ENOX1: variants seen among roughly 807,000 people sequenced by gnomAD.
ENOX1 encodes ecto-NOX disulfide-thiol exchanger 1.
ENOX1 carries 42 observed loss-of-function variants against 82.5 expected under a neutral mutation model. The ratio of observed to expected loss-of-function variants is 0.51; its 90% CI spans 0.40 to 0.66. The LOEUF is 0.66. Ranked by LOEUF, ENOX1 falls within the 30% of genes least tolerant of loss-of-function variation. The pLI, the probability that ENOX1 is intolerant of heterozygous loss-of-function variation, is 0.00. For missense variants in ENOX1, 608 were observed against 811.6 expected, an observed-to-expected ratio of 0.75 and a Z score of 3.05; for synonymous variants, 271 against 282.2, an observed-to-expected ratio of 0.96 and a Z score of 0.40.
At chr13:43,465,430 C>T (rs1003922628) in intron 3 of ENOX1, among the ~76,000 whole-genome samples, 6 of 152,088 alleles carry the variant, frequency 3.9e-5, no homozygotes, top group Admixed American at 3.9e-4. Context: ...ATGCCTACAT[C>T]TTTTTGTTTT....
chr13:43,691,049 A>G (rs2086337848), intron 1 of ENOX1, among the ~76,000 whole-genome samples: 1 of 152,190 alleles, frequency 6.6e-6, no homozygotes, highest in South Asian at 2.1e-4. Flanking sequence ...AACTCCATCA[A>G]CTTTGTTTAG....
At chr13:43,302,443 G>C (rs7332488) in intron 11 of ENOX1, among the ~76,000 whole-genome samples, 147,157 of 152,292 alleles carry the variant, frequency 0.97, 71,333 homozygotes, top group East Asian at 1. Flanking sequence ...CCCATTTCTA[G>C]TTACTCAGTA....
intron 5 of ENOX1, among the ~76,000 whole-genome samples, chr13:43,365,782 T>C (rs930795983): frequency 6.6e-6 from 1 of 152,214 alleles, no homozygotes; most frequent in Non-Finnish European, 1.5e-5. Flanking sequence ...AAAGCCTGCT[T>C]GGATGCTGAG....
chr13:43,734,934 C>A (rs949831024), intron 1 of ENOX1, among the ~76,000 whole-genome samples: 2 of 152,136 alleles, frequency 1.3e-5, no homozygotes, highest in Non-Finnish European at 1.5e-5. Context: ...AAATCATGCT[C>A]AAGATACATC....
chr13:43,644,382 G>A (rs913903554), intron 2 of ENOX1, among the ~76,000 whole-genome samples: 5 of 152,194 alleles, frequency 3.3e-5, no homozygotes, highest in Non-Finnish European at 7.3e-5. Context: ...AGTTGAAGCA[G>A]ATTCTTGACT....
chr13:43,677,704 T>C (rs2085579162), intron 1 of ENOX1, among the ~76,000 whole-genome samples: 1 of 152,198 alleles, frequency 6.6e-6, no homozygotes, highest in Non-Finnish European at 1.5e-5. Context: ...TGGTATCTTT[T>C]AGTTCTCACA....
chr13:43,698,262 A>G (rs406731), intron 1 of ENOX1, among the ~76,000 whole-genome samples: 139,665 of 152,274 alleles, frequency 0.92, 64,339 homozygotes, highest in East Asian at 1. Context: ...AAGCCCCTTT[A>G]GTTTTCAGCA....
At chr13:43,448,907 G>A (rs1380384959) in intron 3 of ENOX1, among the ~76,000 whole-genome samples, 1 of 152,214 alleles carries the variant, frequency 6.6e-6, no homozygotes, top group Non-Finnish European at 1.5e-5. Flanking sequence ...CTACACTGGG[G>A]TCTGCAGGGC....
At chr13:43,289,034 G>A (rs1172894907) in intron 12 of ENOX1, among the ~76,000 whole-genome samples, 1 of 151,952 alleles carries the variant, frequency 6.6e-6, no homozygotes, top group Non-Finnish European at 1.5e-5. Flanking sequence ...ATCTCTACAA[G>A]GAGAACTATG....
intron 5 of ENOX1, among the ~76,000 whole-genome samples, chr13:43,397,327 T>C (rs1566116143): frequency 6.6e-6 from 1 of 152,234 alleles, no homozygotes. Context: ...AAGTATAAAA[T>C]GAACATTTTT....
intron 2 of ENOX1, among the ~76,000 whole-genome samples, chr13:43,524,925 T>C (rs2077924887): frequency 6.6e-6 from 1 of 152,120 alleles, no homozygotes; most frequent in Non-Finnish European, 1.5e-5. Context: ...GAGTGGTAAC[T>C]TTGTTTCTGA....
chr13:43,409,532 C>A (rs747708380), intron 5 of ENOX1, among the ~76,000 whole-genome samples: 9 of 152,064 alleles, frequency 5.9e-5, no homozygotes, highest in Non-Finnish European at 1.2e-4. Context: ...CACAGCAGTT[C>A]CATGAAGTAG....
chr13:43,606,504 T>C (rs1347275748), intron 2 of ENOX1, among the ~76,000 whole-genome samples: 3 of 152,052 alleles, frequency 2.0e-5, no homozygotes, highest in African/African-American at 7.2e-5. Flanking sequence ...CAAAAATGGA[T>C]GCAAAGGAGG....
intron 2 of ENOX1, among the ~76,000 whole-genome samples, chr13:43,558,010 T>G (rs1165042899): frequency 6.6e-6 from 1 of 152,164 alleles, no homozygotes; most frequent in Non-Finnish European, 1.5e-5. Context: ...AGTGTCCCAC[T>G]GAGGGAAATC....
At chr13:43,621,293 C>A (rs1421752287) in intron 2 of ENOX1, among the ~76,000 whole-genome samples, 1 of 151,972 alleles carries the variant, frequency 6.6e-6, no homozygotes, top group African/African-American at 2.4e-5. Context: ...TGCCTGTGTA[C>A]TTTGTTTCGT....
intron 9 of ENOX1, among the ~76,000 whole-genome samples, chr13:43,338,887 G>T (rs997715904): frequency 4.6e-5 from 7 of 151,952 alleles, no homozygotes; most frequent in Non-Finnish European, 7.4e-5. Context: ...GGGTTTCACC[G>T]TGTTAGCCAG....
intron 1 of ENOX1, among the ~76,000 whole-genome samples, chr13:43,676,781 C>G (rs1037073360): frequency 6.6e-6 from 1 of 152,110 alleles, no homozygotes. Flanking sequence ...GATAGCTGGT[C>G]CGTTGCACCC....
At chr13:43,462,172 T>C (rs2057516477) in intron 3 of ENOX1, among the ~76,000 whole-genome samples, 1 of 152,228 alleles carries the variant, frequency 6.6e-6, no homozygotes, top group South Asian at 2.1e-4. Context: ...ACACAAGTCA[T>C]GTAAAAAGTA....
intron 3 of ENOX1, among the ~76,000 whole-genome samples, chr13:43,451,355 G>A (rs2056955820): frequency 6.6e-6 from 1 of 152,118 alleles, no homozygotes; most frequent in Admixed American, 6.5e-5. Flanking sequence ...AAATGTATCT[G>A]GCCTAAAAAT....
Sources: gnomAD v4.1 joint callset for allele counts (sites outside exome capture counted in the v4.1 genomes callset) on GRCh38, gnomAD v4.1.1 for gene constraint, MANE v1.5 for transcripts, NCBI Gene and HGNC (gene_info 2026-07-23, HGNC 2026-07-21) for gene names.